Variants in UTP18 observed in about 807,000 individuals in gnomAD.
UTP18 encodes the protein UTP18 small subunit processome component, also known as U3 small nucleolar RNA-associated protein 18 homolog.
A neutral mutation model predicts 61.1 loss-of-function variants in UTP18; 36 were observed. The ratio of observed to expected loss-of-function variants is 0.59; its 90% CI spans 0.45 to 0.78. The LOEUF (loss-of-function observed/expected upper bound fraction) is 0.78, where lower values mean the gene tolerates loss of function less well. Ranked by LOEUF, UTP18 falls within the 30% of genes least tolerant of loss-of-function variation. The pLI, the probability that UTP18 is intolerant of heterozygous loss-of-function variation, is 0.00. For synonymous variants in UTP18, 282 were observed against 251.1 expected, an observed-to-expected ratio of 1.12 and a Z score of -1.16; for missense variants, 753 against 693.9, an observed-to-expected ratio of 1.09 and a Z score of -0.96.
intron 2 of UTP18, 150 bp downstream of exon 2, chr17:51,263,536 TCCCACCAC>T: frequency 1.5e-6 from 1 of 655,114 alleles, no homozygotes; most frequent in African/African-American, 1.8e-5. Context: ...TGGTTCCTGA[TCCCACCAC>T]CGAGGGAGAA....
At chr17:51,280,286 G>C (rs1904869268) in intron 8 of UTP18, 103 bp from the exon 9 acceptor site, 1 of 1,375,556 alleles carries the variant, frequency 7.3e-7, no homozygotes, top group Non-Finnish European at 1.0e-6. Flanking sequence ...AAATAAAGTT[G>C]AGTAGGTGCT....
chr17:51,290,459 G>A (rs998440548), intron 11 of UTP18, among the ~76,000 whole-genome samples: 1 of 152,140 alleles, frequency 6.6e-6, no homozygotes, highest in Admixed American at 6.5e-5. Flanking sequence ...TGGAAAAAGA[G>A]TGTGAAAATT....
chr17:51,273,964 C>G (rs1904627242), intron 5 of UTP18, among the ~76,000 whole-genome samples: 1 of 152,148 alleles, frequency 6.6e-6, no homozygotes, highest in African/African-American at 2.4e-5. Context: ...AATAAAACAT[C>G]AGGTCATGTC....
Position 51,293,944 on chromosome 17 carries a change from C to G in UTP18, c.1545C>G (p.Val515=). The change falls in exon 12 of 14, where the codon GTC becomes GTG. Residue 515 remains valine, a synonymous_variant. Coordinates refer to ENST00000225298, the MANE Select transcript of UTP18 (RefSeq NM_016001.3). ...GTACAGTATTTTCAAACTTCCCAGT[C>G]ATTAAAAATAAGAATATTTCTCATG... ...PSCTVFSNFP[V]IKNKNISHVH... 1 of 1,603,200 alleles carries G rather than the reference C, an allele frequency of 6.2e-7. No individual in the cohort carries two copies. Among genetic ancestry groups the G allele is most frequent in the South Asian group, 1.1e-5 (1 of 89,008 alleles).
chr17:51,297,441 C>T (rs1466652304), intron 13 of UTP18, among the ~76,000 whole-genome samples: 1 of 152,198 alleles, frequency 6.6e-6, no homozygotes, highest in Non-Finnish European at 1.5e-5. Context: ...ATTAGTTCTG[C>T]TGCCCAATAT....
At chr17:51,271,746 C>T (rs1012289135) in intron 4 of UTP18, among the ~76,000 whole-genome samples, 3 of 151,836 alleles carry the variant, frequency 2.0e-5, no homozygotes, top group Admixed American at 6.6e-5. Flanking sequence ...CCACTCACTG[C>T]GACCTCTGCC....
At position 51,264,533 on chromosome 17, in the gene UTP18, A is replaced by G. The variant is rs149809015; in HGVS notation, c.455+1147A>G. Among the ~76,000 whole-genome samples, 475 of 151,962 alleles carry G rather than the reference A, an allele frequency of 3.1e-3. 3 individuals carry two copies. The highest frequency in any genetic ancestry group is 0.011 in the African/African-American group (449 of 41,456). ...GCCAGACTGCATGCTATGGGGCTCT[A>G]CCAGTTTGCCTTCCCATTGAAAGGT... On this transcript the variant is annotated intron_variant, in intron 2 of 13. Coordinates refer to ENST00000225298, the MANE Select transcript of UTP18 (RefSeq NM_016001.3).
chr17:51,261,911 A>T (rs1001274784), intron 1 of UTP18, among the ~76,000 whole-genome samples: 8 of 152,164 alleles, frequency 5.3e-5, no homozygotes, highest in Non-Finnish European at 8.8e-5. Flanking sequence ...TACTGGAAAC[A>T]TGCTGAACTG....
intron 12 of UTP18, among the ~76,000 whole-genome samples, chr17:51,295,080 T>C (rs1377534762): frequency 1.3e-5 from 2 of 152,242 alleles, no homozygotes; most frequent in Admixed American, 1.3e-4. Context: ...TTTGAGTTCA[T>C]TGTAGATTGT....
chr17:51,265,813 C>G (rs906795036), intron 2 of UTP18, among the ~76,000 whole-genome samples: 2 of 152,170 alleles, frequency 1.3e-5, no homozygotes, highest in Admixed American at 1.3e-4. Flanking sequence ...CCACCTGCCT[C>G]AGCCTCTCAA....
rs761704482 is a variant in UTP18, at chr17:51,275,869, A to G, written c.715A>G (p.Lys239Glu). 6.3e-7 allele frequency: 1 copy of G among 1,597,602 alleles called. No individual in the cohort carries two copies. The change falls in exon 6 of 14, where the codon AAG (lysine) becomes GAG (glutamate). Residue 239 changes from lysine to glutamate, a missense_variant. Coordinates refer to ENST00000225298, the MANE Select transcript of UTP18 (RefSeq NM_016001.3). ...TCCCAGCTTTCATTTCCTATAGATGAAGAACTGCCAGCATGCGAATGCTGA... is the reference window on the plus strand; with the variant it reads ...TCCCAGCTTTCATTTCCTATAGATGGAGAACTGCCAGCATGCGAATGCTGA... ...TSLPRGILKM[K>E]NCQHANAERP...
At chr17:51,281,532 G>T (rs560552925) in intron 9 of UTP18, among the ~76,000 whole-genome samples, 1 of 152,034 alleles carries the variant, frequency 6.6e-6, no homozygotes, top group Non-Finnish European at 1.5e-5. Flanking sequence ...TGATGAAATC[G>T]TAGAAATAGA....
At chr17:51,279,084 T>C (rs1015709) in intron 7 of UTP18, among the ~76,000 whole-genome samples, 25,377 of 152,200 alleles carry the variant, frequency 0.17, 2,426 homozygotes, top group Admixed American at 0.24. Flanking sequence ...TGTAACTTAG[T>C]AACTTAAAAT....
At chr17:51,293,168 C>T (rs1597855241) in intron 11 of UTP18, among the ~76,000 whole-genome samples, 1 of 152,158 alleles carries the variant, frequency 6.6e-6, no homozygotes, top group South Asian at 2.1e-4. Context: ...AGAGTGGGTA[C>T]TTTTTGCTTT....
At chr17:51,291,363 G>A in intron 11 of UTP18, among the ~76,000 whole-genome samples, 1 of 152,170 alleles carries the variant, frequency 6.6e-6, no homozygotes, top group East Asian at 1.9e-4. Context: ...AATTTTGCAG[G>A]TAGATGCTGT....
chr17:51,285,411 A>G lies in UTP18; in HGVS notation c.1328+43A>G, dbSNP rs576538793. ...CTTGTAACCTTAATCACATTGTGCT[A>G]ATGAGAATATGTTGAGGAATTGAAT... On this transcript the variant is annotated intron_variant, in intron 10 of 13. Coordinates refer to ENST00000225298, the MANE Select transcript of UTP18 (RefSeq NM_016001.3). The G allele has an allele frequency of 5.4e-5, 87 of 1,596,886 alleles. 1 individual carries two copies. In the Middle Eastern group the frequency reaches 3.2e-3, roughly 58 times the overall value.
chr17:51,280,837 A>G (rs1200049808), intron 9 of UTP18, among the ~76,000 whole-genome samples: 2 of 151,400 alleles, frequency 1.3e-5, no homozygotes, highest in Admixed American at 6.6e-5. Flanking sequence ...TTTTTTAGCC[A>G]TCTATCCTGG....
chr17:51,296,094 T>G (rs1905363635), intron 12 of UTP18, among the ~76,000 whole-genome samples: 1 of 152,210 alleles, frequency 6.6e-6, no homozygotes, highest in Admixed American at 6.5e-5. Context: ...GTCCAGGTTC[T>G]TTTCTGTACC....
At chr17:51,289,743 T>G (rs1324407447) in intron 11 of UTP18, among the ~76,000 whole-genome samples, 1 of 152,262 alleles carries the variant, frequency 6.6e-6, no homozygotes, top group Non-Finnish European at 1.5e-5. Context: ...GTACGCACTT[T>G]ACAAAGTGTG....
Sources: gnomAD v4.1 joint callset for allele counts (sites outside exome capture counted in the v4.1 genomes callset) on GRCh38, gnomAD v4.1.1 for gene constraint, MANE v1.5 for transcripts, NCBI Gene and HGNC (gene_info 2026-07-23, HGNC 2026-07-21) for gene names.